SLC35D4: variants seen among roughly 807,000 people sequenced by gnomAD.
The protein encoded by SLC35D4 is solute carrier family 35 member D4.
chr18:23,351,955 G>C, the SLC35D4 span, among the ~76,000 whole-genome samples: 1 of 152,184 alleles, frequency 6.6e-6, no homozygotes, highest in Admixed American at 6.5e-5. Flanking sequence ...ACAGCCTCCA[G>C]GAAGGAAATA....
chr18:23,343,699 A>G, the SLC35D4 span, among the ~76,000 whole-genome samples: 10 of 152,180 alleles, frequency 6.6e-5, no homozygotes, highest in African/African-American at 1.9e-4. Flanking sequence ...TAGTTTTCCA[A>G]TCCTCTCTGT....
At chr18:23,368,285 T>C in the SLC35D4 span, among the ~76,000 whole-genome samples, 3 of 152,072 alleles carry the variant, frequency 2.0e-5, no homozygotes, top group Non-Finnish European at 4.4e-5. Context: ...GTCTGCAAGG[T>C]CCTCTCCACC....
the SLC35D4 span, among the ~76,000 whole-genome samples, chr18:23,316,062 C>T: frequency 1.3e-5 from 2 of 152,230 alleles, no homozygotes; most frequent in African/African-American, 4.8e-5. Flanking sequence ...ACAGCATCTG[C>T]ACTGGCACAA....
chr18:23,360,170 G>A, the SLC35D4 span, among the ~76,000 whole-genome samples: 5 of 152,216 alleles, frequency 3.3e-5, no homozygotes, highest in East Asian at 9.6e-4. Context: ...TAAGGATGTG[G>A]AGCAACTGGA....
At chr18:23,286,569 G>C in the SLC35D4 span, among the ~76,000 whole-genome samples, 1 of 151,662 alleles carries the variant, frequency 6.6e-6, no homozygotes, top group African/African-American at 2.4e-5. Context: ...AGACCATCAC[G>C]GATGCCGAGC....
the SLC35D4 span, among the ~76,000 whole-genome samples, chr18:23,282,002 T>C: frequency 6.6e-6 from 1 of 152,232 alleles, no homozygotes; most frequent in East Asian, 1.9e-4. Context: ...CCTGGTTCCA[T>C]CTCCCACTTA....
the SLC35D4 span, among the ~76,000 whole-genome samples, chr18:23,295,810 G>A: frequency 0.36 from 54,874 of 152,092 alleles, 11,360 homozygotes; most frequent in Non-Finnish European, 0.47. Flanking sequence ...TGGGCAGGGG[G>A]TCTCCATCAA....
At chr18:23,435,035 G>A in the SLC35D4 span, among the ~76,000 whole-genome samples, 1 of 151,852 alleles carries the variant, frequency 6.6e-6, no homozygotes, top group Non-Finnish European at 1.5e-5. Flanking sequence ...GTGCACACCT[G>A]TAGTCCCAGC....
At chr18:23,249,483 G>A in the SLC35D4 span, among the ~76,000 whole-genome samples, 1 of 152,216 alleles carries the variant, frequency 6.6e-6, no homozygotes, top group Admixed American at 6.5e-5. Flanking sequence ...AACTTGTCAT[G>A]GTGCAGGTGC....
chr18:23,406,293 C>G, the SLC35D4 span, among the ~76,000 whole-genome samples: 2 of 152,146 alleles, frequency 1.3e-5, no homozygotes, highest in Non-Finnish European at 2.9e-5. Context: ...TTTCCCTGGG[C>G]TGGGCTATGT....
chr18:23,422,306 G>A, the SLC35D4 span, among the ~76,000 whole-genome samples: 1 of 151,784 alleles, frequency 6.6e-6, no homozygotes, highest in Non-Finnish European at 1.5e-5. Flanking sequence ...CAAGCTCCCA[G>A]TGATAACATG....
At chr18:23,409,048 T>C in the SLC35D4 span, among the ~76,000 whole-genome samples, 2 of 152,012 alleles carry the variant, frequency 1.3e-5, no homozygotes, top group African/African-American at 4.8e-5. Context: ...GGCAGGAGAA[T>C]TGCTTGAACC....
the SLC35D4 span, among the ~76,000 whole-genome samples, chr18:23,338,775 T>C: frequency 2.0e-5 from 3 of 152,176 alleles, no homozygotes; most frequent in Non-Finnish European, 4.4e-5. Flanking sequence ...GTACCCACAA[T>C]GCGCTCCAGG....
At chr18:23,241,512 A>C in the SLC35D4 span, among the ~76,000 whole-genome samples, 1 of 152,184 alleles carries the variant, frequency 6.6e-6, no homozygotes, top group Admixed American at 6.5e-5. Context: ...CCTGGGCGAC[A>C]AGCGAAACTA....
At chr18:23,340,275 T>G in the SLC35D4 span, among the ~76,000 whole-genome samples, 1 of 152,026 alleles carries the variant, frequency 6.6e-6, no homozygotes, top group Non-Finnish European at 1.5e-5. Flanking sequence ...AGTTTGAGGA[T>G]ACAGTTGCAT....
the SLC35D4 span, among the ~76,000 whole-genome samples, chr18:23,266,610 T>C: frequency 2.0e-5 from 3 of 152,222 alleles, no homozygotes; most frequent in Non-Finnish European, 4.4e-5. Flanking sequence ...AGTGGTCTCT[T>C]CAACCAGGTG....
At chr18:23,311,936 T>C in the SLC35D4 span, among the ~76,000 whole-genome samples, 1 of 152,196 alleles carries the variant, frequency 6.6e-6, no homozygotes, top group Non-Finnish European at 1.5e-5. Context: ...TGGAGATGTA[T>C]TTCTTGGACT....
chr18:23,370,293 T>C, the SLC35D4 span: 4 of 1,608,846 alleles, frequency 2.5e-6, no homozygotes, highest in African/African-American at 4.0e-5. Context: ...TCACTGGTCA[T>C]GGTATTCTGC....
the SLC35D4 span, among the ~76,000 whole-genome samples, chr18:23,373,395 C>A: frequency 6.6e-6 from 1 of 152,144 alleles, no homozygotes; most frequent in East Asian, 1.9e-4. Flanking sequence ...ACTTTGCCTC[C>A]ATGGCTGAGG....
Sources: allele counts gnomAD v4.1 joint callset (sites outside exome capture counted in the v4.1 genomes callset), GRCh38; gene constraint gnomAD v4.1.1; transcripts MANE v1.5; gene names NCBI Gene and HGNC (gene_info 2026-07-23, HGNC 2026-07-21).